Variants in HIGD2B observed in about 807,000 individuals in gnomAD.
The protein encoded by HIGD2B is HIG1 hypoxia inducible domain family member 2B, also known as HIG1 domain family member 2B.
For missense variants in HIGD2B, 106 were observed against 67.0 expected (o/e 1.58, Z -2.03); for synonymous variants, 45 against 28.1 (o/e 1.60, Z -1.90).
intron 1 of HIGD2B, among the ~76,000 whole-genome samples, chr15:72,680,812 T>C (rs2064741256): frequency 6.6e-6 from 1 of 152,136 alleles, no homozygotes; most frequent in Admixed American, 6.5e-5. Flanking sequence ...GAGAATTGCC[T>C]GAACTCAGGT....
chr15:72,678,001 C>T (rs2064710910), intron 2 of HIGD2B, among the ~76,000 whole-genome samples: 1 of 152,080 alleles, frequency 6.6e-6, no homozygotes, highest in Non-Finnish European at 1.5e-5. Context: ...TCATTATTTT[C>T]CTCAACTCAT....
chr15:72,676,451 C>T (rs1419571052), intron 2 of HIGD2B, 64 bp from the exon 3 acceptor site: 7 of 622,468 alleles, frequency 1.1e-5, no homozygotes, highest in Admixed American at 1.1e-4. Flanking sequence ...GTAGCCCAGG[C>T]TGGAGTGCAG....
chr15:72,684,943 C>T (rs950935319), intron 1 of HIGD2B, among the ~76,000 whole-genome samples: 1 of 152,052 alleles, frequency 6.6e-6, no homozygotes, highest in East Asian at 1.9e-4. Flanking sequence ...ACCACCATGC[C>T]CGACTAATTT....
chr15:72,683,018 C>T lies in HIGD2B; in HGVS notation c.-193+2800G>A, dbSNP rs545965212. The T allele has an allele frequency of 1.6e-5, 3 of 183,568 alleles. No individual in the cohort carries two copies. The South Asian group carries it at 2.5e-4, about 16-fold the overall frequency. 11.4% of individuals were successfully genotyped at this position (183,568 alleles called of 1,614,324 possible). ...CAGACAGTCATGTAAATGGACTAGG[C>T]CTGAGTCTGTAGTTCTTTGCTCTGA... On this transcript the variant is annotated intron_variant, in intron 1 of 2. Coordinates refer to ENST00000311755, the MANE Select transcript of HIGD2B (RefSeq NM_001350932.3).
intron 2 of HIGD2B, among the ~76,000 whole-genome samples, chr15:72,679,381 AG>A: frequency 1.0e-5 from 1 of 95,522 alleles, no homozygotes; most frequent in Non-Finnish European, 2.4e-5. Context: ...AAAAAAAAAG[AG>A]AGAGAGAGAA....
At chr15:72,678,593 C>A (rs905960373) in intron 2 of HIGD2B, among the ~76,000 whole-genome samples, 1 of 152,164 alleles carries the variant, frequency 6.6e-6, no homozygotes, top group Non-Finnish European at 1.5e-5. Flanking sequence ...TGAGCCACTA[C>A]GCCTAGCCCT....
intron 1 of HIGD2B, among the ~76,000 whole-genome samples, chr15:72,685,410 A>G (rs2064807896): frequency 6.6e-6 from 1 of 152,208 alleles, no homozygotes; most frequent in Non-Finnish European, 1.5e-5. Flanking sequence ...GCTCAAAGAA[A>G]CGACGGGCTT....
At chr15:72,684,708 T>G (rs2064791200) in intron 1 of HIGD2B, among the ~76,000 whole-genome samples, 2 of 152,052 alleles carry the variant, frequency 1.3e-5, no homozygotes, top group African/African-American at 4.8e-5. Context: ...AGGCTGGTCT[T>G]GAACTCCTGA....
intron 2 of HIGD2B, among the ~76,000 whole-genome samples, chr15:72,677,309 G>C (rs1415414971): frequency 6.6e-6 from 1 of 151,952 alleles, no homozygotes; most frequent in East Asian, 1.9e-4. Flanking sequence ...ACACTACTCA[G>C]GAGCTACACA....
chr15:72,679,835 A>T (rs1448920316), intron 2 of HIGD2B, among the ~76,000 whole-genome samples, 180 bp downstream of exon 2: 1 of 152,166 alleles, frequency 6.6e-6, no homozygotes, highest in East Asian at 1.9e-4. Context: ...TGTTGGTAAG[A>T]AGCACCAAAG....
rs749454170 is a variant in HIGD2B, at chr15:72,676,253, C to T, written c.122G>A (p.Arg41His). ...NPEGFKEKFL[R>H]KTRENPVVPI... Reference sequence around the variant, plus strand: ...TACCACCGGATTCTCGCGGGTCTTGCGAAGGAACTTTTCCTTGAAACCCTC... The same window carrying T: ...TACCACCGGATTCTCGCGGGTCTTGTGAAGGAACTTTTCCTTGAAACCCTC... Residue 41 changes from arginine to histidine, a missense_variant, in exon 3 of 3, where the codon CGC (arginine) becomes CAC (histidine). Transcript: ENST00000311755. 53 of 766,876 alleles carry T rather than the reference C, an allele frequency of 6.9e-5. No individual in the cohort carries two copies. In the East Asian group the frequency reaches 8.0e-4, roughly 12 times the overall value. 47.5% of individuals were successfully genotyped at this position (766,876 alleles called of 1,614,324 possible).
intron 1 of HIGD2B, among the ~76,000 whole-genome samples, chr15:72,684,058 G>C (rs924763484): frequency 3.9e-5 from 6 of 152,020 alleles, no homozygotes; most frequent in African/African-American, 7.2e-5. Context: ...CTACTTGAGA[G>C]GATGAGGTGG....
rs754576982 is a variant in HIGD2B at position 72,676,162 on chromosome 15, G to C, written c.213C>G (p.Asn71Lys). 2 of 763,354 alleles carry C rather than the reference G, an allele frequency of 2.6e-6. No homozygotes were observed. Among genetic ancestry groups the C allele is most frequent in the Non-Finnish European group, 4.8e-6 (2 of 416,132 alleles). 47.3% of individuals were successfully genotyped at this position (763,354 alleles called of 1,614,324 possible). Residue 71 changes from asparagine (N) to lysine (K), a missense_variant, in exon 3 of 3, where the codon AAC becomes AAG. By Grantham distance (94) the Asn-to-Lys change is moderately conservative (BLOSUM62 0). Transcript: ENST00000311755. The part of the protein sequence containing the change: ...TNGLYCFHQG[N>K]SQCSRLMMHT... ...GCATCATAAGCCGTGAACATTGGCT[G>C]TTGCCCTGGTGGAAGCAGTAGAGGC...
chr15:72,682,275 T>C (rs1288074429), intron 1 of HIGD2B: 1 of 195,470 alleles, frequency 5.1e-6, no homozygotes, highest in Non-Finnish European at 1.1e-5. Flanking sequence ...ATTTATTTAT[T>C]TGAAAAACAA....
chr15:72,681,765 C>G (rs2064753238), intron 1 of HIGD2B, among the ~76,000 whole-genome samples: 3 of 152,164 alleles, frequency 2.0e-5, no homozygotes, highest in South Asian at 2.1e-4. Context: ...TGCCACCACA[C>G]CTTGCTAATT....
chr15:72,685,290 A>T (rs1231624806), intron 1 of HIGD2B, among the ~76,000 whole-genome samples: 1 of 152,180 alleles, frequency 6.6e-6, no homozygotes, highest in African/African-American at 2.4e-5. Context: ...TTTTATGTCT[A>T]AATTACAAGG....
chr15:72,686,139 C>T lies in HIGD2B; in HGVS notation c.-514G>A. On this transcript the variant is annotated 5_prime_UTR_variant, in exon 1 of 3. Transcript: ENST00000311755. ...GATTTACTTCCTTCCCCCGCTTCCT[C>T]ACAGTCCTCCACAGCCCTACGACTT... 4 of 1,367,226 alleles carry T rather than the reference C, an allele frequency of 2.9e-6. No homozygotes were observed. Among genetic ancestry groups the T allele is most frequent in the Non-Finnish European group, 4.0e-6 (4 of 988,176 alleles). 84.7% of individuals were successfully genotyped at this position (1,367,226 alleles called of 1,614,324 possible).
intron 2 of HIGD2B, among the ~76,000 whole-genome samples, chr15:72,677,349 C>A (rs2064703029): frequency 6.6e-6 from 1 of 151,868 alleles, no homozygotes. Flanking sequence ...TCGCTTGAAC[C>A]CCGGAGGCGG....
chr15:72,685,998 G>C lies in HIGD2B; in HGVS notation c.-373C>G. 1.6e-6 allele frequency: 1 copy of C among 622,536 alleles called. No homozygotes were observed. 38.6% of individuals were successfully genotyped at this position (622,536 alleles called of 1,614,324 possible). ...TACAGACCACGGCGAGGGGTGTTAG[G>C]GGCTTCTCGGGATAAAGGCAGCGAG... On this transcript the variant is annotated 5_prime_UTR_variant, in exon 1 of 3. Transcript: ENST00000311755.
Sources: gnomAD v4.1 joint callset for allele counts (sites outside exome capture counted in the v4.1 genomes callset) on GRCh38, gnomAD v4.1.1 for gene constraint, MANE v1.5 for transcripts, NCBI Gene and HGNC (gene_info 2026-07-23, HGNC 2026-07-21) for gene names.